RABEP1: variants seen among roughly 807,000 people sequenced by gnomAD.
RABEP1 encodes the protein rabaptin, RAB GTPase binding effector protein 1, also known as rab GTPase-binding effector protein 1.
Under a neutral mutation model 123.4 loss-of-function variants are expected in RABEP1, and 51 were observed. That is an observed-to-expected ratio of 0.41 (90% CI 0.33 to 0.52). The LOEUF is 0.52. Ranked by LOEUF, RABEP1 falls within the 20% of genes least tolerant of loss-of-function variation. The pLI, the probability that RABEP1 is intolerant of heterozygous loss-of-function variation, is 0.16. For missense variants in RABEP1, 888 were observed against 996.3 expected (o/e 0.89, Z 1.46); for synonymous variants, 347 against 355.2 (o/e 0.98, Z 0.26).
intron 11 of RABEP1, among the ~76,000 whole-genome samples, chr17:5,365,810 C>G (rs199908370): frequency 6.6e-6 from 1 of 152,234 alleles, no homozygotes; most frequent in Non-Finnish European, 1.5e-5. Context: ...CTGTGTTCCT[C>G]CGTTCAACAG....
At chr17:5,382,531 C>G (rs1216548030) in intron 17 of RABEP1, among the ~76,000 whole-genome samples, 1 of 150,740 alleles carries the variant, frequency 6.6e-6, no homozygotes, top group Non-Finnish European at 1.5e-5. Flanking sequence ...GATGGATTAC[C>G]TGAGGTCAGG....
chr17:5,376,382 A>G (rs761493390), intron 13 of RABEP1, among the ~76,000 whole-genome samples: 1 of 152,224 alleles, frequency 6.6e-6, no homozygotes, highest in Non-Finnish European at 1.5e-5. Flanking sequence ...TCAGTGTGTA[A>G]TCCTTGATTC....
At chr17:5,323,074 C>CAA (rs201728187) in intron 2 of RABEP1, among the ~76,000 whole-genome samples, 12 of 151,034 alleles carry the variant, frequency 7.9e-5, no homozygotes, top group South Asian at 2.1e-4. Context: ...GAGACTGTCT[C>CAA]AAAAAAAACA....
intron 1 of RABEP1, among the ~76,000 whole-genome samples, chr17:5,291,308 G>A (rs777368580): frequency 2.0e-5 from 3 of 152,136 alleles, no homozygotes; most frequent in Non-Finnish European, 4.4e-5. Flanking sequence ...TACTTGGGAG[G>A]CTGAGGCAGG....
intron 15 of RABEP1, among the ~76,000 whole-genome samples, chr17:5,379,352 G>A (rs772762837): frequency 4.8e-4 from 73 of 152,130 alleles, no homozygotes; most frequent in Non-Finnish European, 7.8e-4. Flanking sequence ...ATGTCCCCGC[G>A]CAGTGCCGGG....
intron 12 of RABEP1, among the ~76,000 whole-genome samples, chr17:5,372,882 C>T (rs1027273066): frequency 1.3e-5 from 2 of 152,134 alleles, no homozygotes; most frequent in African/African-American, 4.8e-5. Context: ...CAGCCTCCCT[C>T]CCTAGTTGCT....
At chr17:5,301,642 A>G (rs1267378360) in intron 1 of RABEP1, among the ~76,000 whole-genome samples, 1 of 152,026 alleles carries the variant, frequency 6.6e-6, no homozygotes, top group Admixed American at 6.6e-5. Flanking sequence ...TGTGGCACAA[A>G]CTCCTTATCT....
intron 2 of RABEP1, among the ~76,000 whole-genome samples, chr17:5,315,409 A>G (rs1385889118): frequency 1.3e-5 from 2 of 152,230 alleles, no homozygotes; most frequent in African/African-American, 4.8e-5. Context: ...GGATGAATTA[A>G]GAGCCTTCAA....
intron 12 of RABEP1, 113 bp from the exon 13 acceptor site, chr17:5,373,201 A>T (rs1161514258): frequency 1.1e-6 from 1 of 947,236 alleles, no homozygotes; most frequent in Non-Finnish European, 1.5e-6. Flanking sequence ...GAACTTCACC[A>T]TACCCCGTCC....
chr17:5,299,722 T>TTC (rs1411314619), intron 1 of RABEP1, among the ~76,000 whole-genome samples: 5,722 of 114,038 alleles, frequency 0.05, 538 homozygotes, highest in East Asian at 0.28. Context: ...TTCTTTTCTT[T>TTC]TTCTTTTTCT....
At chr17:5,309,929 G>C (rs2075219866) in intron 2 of RABEP1, among the ~76,000 whole-genome samples, 1 of 152,156 alleles carries the variant, frequency 6.6e-6, no homozygotes, top group Non-Finnish European at 1.5e-5. Flanking sequence ...TGGGATTTGG[G>C]TCCAGCTGCA....
chr17:5,359,781 G>A (rs781334465), intron 8 of RABEP1, among the ~76,000 whole-genome samples: 3 of 152,150 alleles, frequency 2.0e-5, no homozygotes, highest in Non-Finnish European at 4.4e-5. Flanking sequence ...ACAACAAAAC[G>A]TAGAAAGGAT....
intron 1 of RABEP1, among the ~76,000 whole-genome samples, chr17:5,307,474 A>T (rs930515776): frequency 6.6e-6 from 1 of 152,208 alleles, no homozygotes; most frequent in Admixed American, 6.5e-5. Flanking sequence ...ATAATCTCAG[A>T]TCTTGATTAA....
intron 5 of RABEP1, 122 bp from the exon 6 acceptor site, chr17:5,346,668 T>A: frequency 2.0e-6 from 1 of 506,008 alleles, no homozygotes; most frequent in Non-Finnish European, 3.1e-6. Context: ...TAAATGTTAA[T>A]TTATGTAGAT....
intron 4 of RABEP1, chr17:5,336,674 A>C (rs1312315845): frequency 7.1e-6 from 2 of 281,578 alleles, no homozygotes. Flanking sequence ...ATTAATAAAT[A>C]ACTTGATTTG....
rs199700136 is a variant in RABEP1 at position 5,361,615 on chromosome 17, T to C, written c.1503T>C (p.Tyr501=). 8.7e-5 allele frequency: 140 copies of C among 1,614,114 alleles called. 1 individual carries two copies. The African/African-American group carries it at 1.6e-3, about 18-fold the overall frequency. The part of the protein sequence containing the change: ...SSVTQGMESA[Y]VSPSGYRLVS... ...TTACCCAGGGCATGGAGAGTGCCTA[T>C]GTGTCCCCTAGTGGTTATCGTTTAG... The change falls in exon 9 of 18, where the codon TAT becomes TAC. Residue 501 remains tyrosine, a synonymous_variant. Transcript: ENST00000537505.
intron 2 of RABEP1, among the ~76,000 whole-genome samples, chr17:5,329,019 C>CTTTTTTT (rs760060600): frequency 4.5e-5 from 5 of 110,660 alleles, no homozygotes; most frequent in Non-Finnish European, 5.3e-5. Context: ...TTCAGAAAGA[C>CTTTTTTT]TTTTTTTTTT....
chr17:5,327,366 C>A (rs1281659171), intron 2 of RABEP1, among the ~76,000 whole-genome samples: 31 of 151,122 alleles, frequency 2.1e-4, no homozygotes, highest in African/African-American at 6.5e-4. Flanking sequence ...AAAAAAACCC[C>A]AAAAAACAAA....
Position 5,384,110 on chromosome 17 carries a change from G to C in RABEP1, c.*887G>C. On this transcript the variant is annotated 3_prime_UTR_variant, in exon 18 of 18. Transcript: ENST00000537505. ...TTTCAACTTGGATCATTAGGCTTAC[G>C]TACTACTTGTTTCAAATGTGTCAAA... The C allele has an allele frequency of 4.7e-6, 1 of 213,392 alleles. No homozygotes were observed. 13.2% of individuals were successfully genotyped at this position (213,392 alleles called of 1,614,324 possible).
Sources: gnomAD v4.1 joint callset for allele counts (sites outside exome capture counted in the v4.1 genomes callset) on GRCh38, gnomAD v4.1.1 for gene constraint, MANE v1.5 for transcripts, NCBI Gene and HGNC (gene_info 2026-07-23, HGNC 2026-07-21) for gene names.